FGF12: variants seen among roughly 807,000 people sequenced by gnomAD.
The protein encoded by FGF12 is fibroblast growth factor 12B.
FGF12 carries 14 observed loss-of-function variants against 23.6 expected under a neutral mutation model. The observed-to-expected ratio is 0.59, with a 90% confidence interval of 0.39 to 0.93. FGF12 has a LOEUF of 0.93. Among genes scored for constraint, FGF12 ranks in the 40% least tolerant of loss-of-function variants. FGF12 has a pLI of 0.00. For synonymous variants in FGF12, 62 were observed against 77.3 expected, an observed-to-expected ratio of 0.80 and a Z score of 1.04; for missense variants, 175 against 217.8, an observed-to-expected ratio of 0.80 and a Z score of 1.24.
chr3:192,287,621 G>T (rs1467931340), intron 4 of FGF12, among the ~76,000 whole-genome samples: 2 of 152,016 alleles, frequency 1.3e-5, no homozygotes, highest in African/African-American at 4.8e-5. Context: ...CTTCAGTGGA[G>T]GGGCAAATGA....
In FGF12 at chr3:192,180,834, T is replaced by C. The variant is rs74365447; in HGVS notation, c.229-10178A>G. ...GTCAACTGGAACTGTGGGTGTTTGA[T>C]CTTTGAGAGAAGGCAGATACACAGG... On this transcript the variant is annotated intron_variant, in intron 4 of 5. Coordinates refer to ENST00000445105, the MANE Select transcript of FGF12 (RefSeq NM_004113.6). Among the ~76,000 whole-genome samples the C allele has an allele frequency of 7.4e-3, 1,123 of 152,278 alleles. 12 individuals are homozygous for C. Among genetic ancestry groups the C allele is most frequent in the African/African-American group, 0.026 (1,077 of 41,554 alleles).
intron 2 of FGF12, among the ~76,000 whole-genome samples, chr3:192,621,395 T>C (rs1372948421): frequency 6.6e-6 from 1 of 152,156 alleles, no homozygotes; most frequent in Non-Finnish European, 1.5e-5. Context: ...TATGCAGTAA[T>C]GCATACCAGA....
chr3:192,192,825 C>T lies in FGF12; in HGVS notation c.229-22169G>A, dbSNP rs534103092. On this transcript the variant is annotated intron_variant, in intron 4 of 5. Coordinates refer to ENST00000445105, the MANE Select transcript of FGF12 (RefSeq NM_004113.6). Reference sequence around the variant, plus strand: ...ATTTTTTATTCATATAATACATCAGCGCATACATAGCATATCATTGTGTAA... The same window carrying T: ...ATTTTTTATTCATATAATACATCAGTGCATACATAGCATATCATTGTGTAA... Among the ~76,000 whole-genome samples the T allele has an allele frequency of 4.1e-4, 62 of 152,130 alleles. 2 individuals carry two copies. Among genetic ancestry groups the T allele is most frequent in the East Asian group, 5.8e-4 (3 of 5,182 alleles).
At chr3:192,378,206 G>C (rs907955940) in intron 2 of FGF12, among the ~76,000 whole-genome samples, 1 of 149,212 alleles carries the variant, frequency 6.7e-6, no homozygotes, top group African/African-American at 2.6e-5. Flanking sequence ...GAACTCCTGA[G>C]CTCAGGAGAT....
At chr3:192,664,874 T>C (rs1416332873) in intron 2 of FGF12, among the ~76,000 whole-genome samples, 3 of 152,350 alleles carry the variant, frequency 2.0e-5, no homozygotes, top group Admixed American at 1.3e-4. Flanking sequence ...ATTGACGTAA[T>C]GTCTACTATC....
chr3:192,406,935 C>T (rs1266845547), intron 2 of FGF12, among the ~76,000 whole-genome samples: 1 of 152,198 alleles, frequency 6.6e-6, no homozygotes, highest in Non-Finnish European at 1.5e-5. Context: ...GGGCAGGCTC[C>T]CTTTCCAGAC....
intron 2 of FGF12, among the ~76,000 whole-genome samples, chr3:192,686,015 T>C (rs1717718335): frequency 2.0e-5 from 3 of 152,130 alleles, no homozygotes; most frequent in Admixed American, 1.3e-4. Flanking sequence ...CGTGGCGCAA[T>C]CAGGGATGTT....
intron 4 of FGF12, among the ~76,000 whole-genome samples, chr3:192,190,977 C>G (rs978275388): frequency 1.3e-5 from 2 of 152,010 alleles, no homozygotes; most frequent in African/African-American, 4.8e-5. Flanking sequence ...TTATTTCTGT[C>G]GATTTCTTTA....
At chr3:192,676,111 T>C (rs1717319243) in intron 2 of FGF12, among the ~76,000 whole-genome samples, 1 of 152,104 alleles carries the variant, frequency 6.6e-6, no homozygotes, top group African/African-American at 2.4e-5. Context: ...ACCATATGAG[T>C]ATTCTCAGTT....
At chr3:192,531,843 C>A (rs1012203093) in intron 2 of FGF12, among the ~76,000 whole-genome samples, 3 of 152,112 alleles carry the variant, frequency 2.0e-5, no homozygotes, top group African/African-American at 4.8e-5. Flanking sequence ...CTGATGGCAG[C>A]TTATTTGGAT....
chr3:192,292,994 G>C (rs1714839441), intron 4 of FGF12, among the ~76,000 whole-genome samples: 1 of 152,040 alleles, frequency 6.6e-6, no homozygotes. Context: ...TGCTCAGGCT[G>C]ATCTCGAACT....
chr3:192,281,853 C>T (rs1002838154), intron 4 of FGF12, among the ~76,000 whole-genome samples: 1 of 152,156 alleles, frequency 6.6e-6, no homozygotes, highest in Non-Finnish European at 1.5e-5. Context: ...TTCAAATCCT[C>T]ATACTTCCTG....
At chr3:192,211,344 G>A (rs1717917824) in intron 4 of FGF12, among the ~76,000 whole-genome samples, 1 of 152,184 alleles carries the variant, frequency 6.6e-6, no homozygotes, top group Non-Finnish European at 1.5e-5. Flanking sequence ...CACTTTGGAT[G>A]GAGCATAGTA....
intron 2 of FGF12, among the ~76,000 whole-genome samples, chr3:192,608,876 T>C (rs1265319806): frequency 1.3e-5 from 2 of 152,120 alleles, no homozygotes; most frequent in African/African-American, 4.8e-5. Context: ...CTCCGAAATA[T>C]TTAATGCAGA....
intron 5 of FGF12, among the ~76,000 whole-genome samples, chr3:192,165,565 A>G (rs1213585218): frequency 6.6e-6 from 1 of 150,972 alleles, no homozygotes; most frequent in Non-Finnish European, 1.5e-5. Flanking sequence ...GTTAGAATTC[A>G]CCAGAAAAGA....
At chr3:192,194,437 CT>C (rs1716958043) in intron 4 of FGF12, among the ~76,000 whole-genome samples, 1 of 152,120 alleles carries the variant, frequency 6.6e-6, no homozygotes, top group Admixed American at 6.6e-5. Flanking sequence ...GAAACTGTGG[CT>C]TAGAGTCTAA....
At chr3:192,200,696 T>C (rs552152555) in intron 4 of FGF12, among the ~76,000 whole-genome samples, 1 of 152,294 alleles carries the variant, frequency 6.6e-6, no homozygotes, top group East Asian at 1.9e-4. Flanking sequence ...GGACAAGACA[T>C]ACTTGTCCTC....
intron 3 of FGF12, among the ~76,000 whole-genome samples, chr3:192,338,225 A>G (rs1717510417): frequency 6.6e-6 from 1 of 152,082 alleles, no homozygotes; most frequent in Admixed American, 6.6e-5. Context: ...CTGCTATTAT[A>G]GGCGCCTGCC....
At chr3:192,370,761 A>G (rs1719191338) in intron 2 of FGF12, among the ~76,000 whole-genome samples, 1 of 152,210 alleles carries the variant, frequency 6.6e-6, no homozygotes. Flanking sequence ...GGCAGTGGCA[A>G]TGGGGATGGA....
Sources: allele counts gnomAD v4.1 joint callset (sites outside exome capture counted in the v4.1 genomes callset), GRCh38; gene constraint gnomAD v4.1.1; transcripts MANE v1.5; gene names NCBI Gene and HGNC (gene_info 2026-07-23, HGNC 2026-07-21).